The following SLC38A12 variants were observed in gnomAD, a reference collection of about 807,000 sequenced individuals.
The protein encoded by SLC38A12 is putative sodium-coupled neutral amino acid transporter 12.
At chr17:74,824,588 G>T in the SLC38A12 span, among the ~76,000 whole-genome samples, 1 of 152,186 alleles carries the variant, frequency 6.6e-6, no homozygotes, top group African/African-American at 2.4e-5. Context: ...CCCATTTGGG[G>T]TTATTAAAAT....
At chr17:74,836,367 T>G in the SLC38A12 span, 1 of 1,612,450 alleles carries the variant, frequency 6.2e-7, no homozygotes, top group African/African-American at 1.3e-5. This position sits in a 1 kb window ranked among gnomAD's most constrained non-coding sequence, Gnocchi z 4.2. Flanking sequence ...GGGCGGCACG[T>G]ACCCGTGGGT....
chr17:74,797,021 A>C, the SLC38A12 span, among the ~76,000 whole-genome samples: 1 of 152,160 alleles, frequency 6.6e-6, no homozygotes, highest in Non-Finnish European at 1.5e-5. Flanking sequence ...ACATGGTGGC[A>C]TGTTCAGGGC....
the SLC38A12 span, chr17:74,838,721 C>T: frequency 2.1e-6 from 3 of 1,442,720 alleles, no homozygotes; most frequent in South Asian, 2.9e-5. Flanking sequence ...CGATGCCAGG[C>T]TTCTGCCGCT....
At chr17:74,800,109 G>C in the SLC38A12 span, among the ~76,000 whole-genome samples, 2 of 152,240 alleles carry the variant, frequency 1.3e-5, no homozygotes, top group African/African-American at 4.8e-5. Flanking sequence ...TGGCCTCTCA[G>C]CTCTGTCCTG....
chr17:74,828,859 G>A, the SLC38A12 span, among the ~76,000 whole-genome samples: 1 of 152,088 alleles, frequency 6.6e-6, no homozygotes, highest in Non-Finnish European at 1.5e-5. Context: ...GTGGCAGGAG[G>A]GGGAAATCTT....
chr17:74,799,152 G>A, the SLC38A12 span, among the ~76,000 whole-genome samples: 1 of 152,200 alleles, frequency 6.6e-6, no homozygotes, highest in African/African-American at 2.4e-5. Flanking sequence ...AGAGTCAGAG[G>A]GAAGCAGTGT....
At chr17:74,814,328 C>T in the SLC38A12 span, among the ~76,000 whole-genome samples, 1 of 125,454 alleles carries the variant, frequency 8.0e-6, no homozygotes, top group Non-Finnish European at 1.7e-5. Context: ...TTGGAGATGC[C>T]GATGATGGTG....
the SLC38A12 span, among the ~76,000 whole-genome samples, chr17:74,793,871 T>C: frequency 3.3e-5 from 5 of 151,778 alleles, no homozygotes; most frequent in Non-Finnish European, 5.9e-5. Context: ...CTTAGTCTTT[T>C]CCCCCCCAGG....
At chr17:74,781,198 C>G in the SLC38A12 span, among the ~76,000 whole-genome samples, 2 of 152,232 alleles carry the variant, frequency 1.3e-5, no homozygotes, top group African/African-American at 2.4e-5. Context: ...CACAAGAGAC[C>G]TTTGACTTTT....
chr17:74,800,319 C>G, the SLC38A12 span, among the ~76,000 whole-genome samples: 2 of 152,236 alleles, frequency 1.3e-5, no homozygotes, highest in East Asian at 3.8e-4. Context: ...GTCTGCCCAT[C>G]ATTGTCACCG....
the SLC38A12 span, among the ~76,000 whole-genome samples, chr17:74,818,883 C>T: frequency 2.0e-5 from 3 of 152,228 alleles, no homozygotes; most frequent in Admixed American, 2.0e-4. Flanking sequence ...TCCTAACCTT[C>T]CCCACACTCC....
At chr17:74,806,190 C>G in the SLC38A12 span, among the ~76,000 whole-genome samples, 15 of 152,328 alleles carry the variant, frequency 9.8e-5, no homozygotes, top group Admixed American at 6.5e-4. Flanking sequence ...CTGTTCCTCT[C>G]ACGCTCTCTT....
At chr17:74,836,920 G>A in the SLC38A12 span, 157 of 1,351,670 alleles carry the variant, frequency 1.2e-4, no homozygotes, top group South Asian at 2.7e-3. This position sits in a 1 kb window ranked among gnomAD's most constrained non-coding sequence, Gnocchi z 4.2. Context: ...CCTGGGTGAC[G>A]CGTGGCTGCT....
the SLC38A12 span, among the ~76,000 whole-genome samples, chr17:74,805,041 C>T: frequency 6.6e-6 from 1 of 152,246 alleles, no homozygotes; most frequent in African/African-American, 2.4e-5. This position sits in a 1 kb window ranked among gnomAD's most constrained non-coding sequence, Gnocchi z 5.0. Flanking sequence ...GCAGTATATT[C>T]GAAGGCCACA....
chr17:74,800,976 C>T, the SLC38A12 span, among the ~76,000 whole-genome samples: 2 of 152,222 alleles, frequency 1.3e-5, no homozygotes, highest in Admixed American at 1.3e-4. Context: ...GGGCAACATC[C>T]ACCCTCTCAT....
At chr17:74,837,256 C>T in the SLC38A12 span, 117 of 985,530 alleles carry the variant, frequency 1.2e-4, no homozygotes, top group Non-Finnish European at 1.3e-4. Flanking sequence ...GAGGGCCTGG[C>T]TGGCCCCATG....
the SLC38A12 span, among the ~76,000 whole-genome samples, chr17:74,812,533 A>T: frequency 2.6e-5 from 4 of 152,170 alleles, no homozygotes; most frequent in East Asian, 7.7e-4. Context: ...CATTAACCCC[A>T]ATTAACTCTT....
chr17:74,787,629 A>C, the SLC38A12 span, among the ~76,000 whole-genome samples: 20 of 22,664 alleles, frequency 8.8e-4, no homozygotes, highest in African/African-American at 1.7e-3. Context: ...ACTCCGTCTC[A>C]AAAAAAAAAA....
At chr17:74,795,373 G>C in the SLC38A12 span, 3 of 694,504 alleles carry the variant, frequency 4.3e-6, no homozygotes, top group Non-Finnish European at 7.3e-6. Flanking sequence ...GGAACAAGGA[G>C]GGTGCATCCT....
Sources: gnomAD v4.1 joint callset for allele counts (sites outside exome capture counted in the v4.1 genomes callset) on GRCh38, gnomAD v4.1.1 for gene constraint, Gnocchi (gnomAD v3.1) non-coding constraint, MANE v1.5 for transcripts, NCBI Gene and HGNC (gene_info 2026-07-23, HGNC 2026-07-21) for gene names.